The following FOXN3 variants were observed in gnomAD, a reference collection of about 807,000 sequenced individuals.
FOXN3 encodes the protein forkhead box protein N3.
Under a neutral mutation model 38.4 loss-of-function variants are expected in FOXN3, and 7 were observed. The observed-to-expected ratio is 0.18, with a 90% CI of 0.10 to 0.34. The LOEUF (loss-of-function observed/expected upper bound fraction) is 0.34, where lower values mean the gene tolerates loss of function less well. Ranked by LOEUF, FOXN3 falls within the 10% of genes least tolerant of loss-of-function variation. FOXN3 has a pLI of 1.00. For missense variants in FOXN3, 456 were observed against 613.4 expected (o/e 0.74, Z 2.71); for synonymous variants, 230 against 242.2 (o/e 0.95, Z 0.47).
At chr14:89,250,679 G>A (rs765334753) in intron 4 of FOXN3, among the ~76,000 whole-genome samples, 9 of 152,186 alleles carry the variant, frequency 5.9e-5, no homozygotes, top group Non-Finnish European at 8.8e-5. Flanking sequence ...ATATGTTCCC[G>A]ATATGGGTTG....
intron 1 of FOXN3, chr14:89,618,911 C>T (rs1402640315): frequency 6.6e-6 from 1 of 152,228 alleles, no homozygotes; most frequent in East Asian, 1.9e-4. Flanking sequence ...GGGCGGACAC[C>T]TTTAAAAAAA....
rs533781158 is a variant in FOXN3 at position 89,404,556 on chromosome 14, G to C, written c.543+7378C>G. Among the ~76,000 whole-genome samples, 16 of 149,218 alleles carry C rather than the reference G, an allele frequency of 1.1e-4. No individual in the cohort carries two copies. In the South Asian group the frequency reaches 3.4e-3, roughly 32 times the overall value. ...TCGGCAGGATGGGTCAGGGAGCTGC[G>C]CTTTCTTGGGATCACAGGATGCTGG... On this transcript the variant is annotated intron_variant, in intron 2 of 5. Coordinates refer to ENST00000557258, the MANE Select transcript of FOXN3 (RefSeq NM_005197.4).
At chr14:89,273,912 G>C (rs910124758) in intron 4 of FOXN3, among the ~76,000 whole-genome samples, 13 of 152,208 alleles carry the variant, frequency 8.5e-5, no homozygotes, top group African/African-American at 3.1e-4. Flanking sequence ...TTAGGTGTTG[G>C]GGGGAATGGA....
chr14:89,561,204 C>T (rs542831901), intron 1 of FOXN3, among the ~76,000 whole-genome samples: 6 of 152,290 alleles, frequency 3.9e-5, no homozygotes, highest in Non-Finnish European at 7.4e-5. Context: ...GTATTTTGTT[C>T]ATTCATTTGT....
chr14:89,497,658 C>T (rs1025399513), intron 1 of FOXN3, among the ~76,000 whole-genome samples: 2 of 151,944 alleles, frequency 1.3e-5, no homozygotes, highest in Non-Finnish European at 2.9e-5. Flanking sequence ...CTACCTCAGC[C>T]TCCCCAAGTG....
intron 4 of FOXN3, among the ~76,000 whole-genome samples, chr14:89,270,267 T>C (rs1886107776): frequency 6.6e-6 from 1 of 152,242 alleles, no homozygotes; most frequent in African/African-American, 2.4e-5. Flanking sequence ...GTTTGAAACA[T>C]TCCTGAAGGT....
At chr14:89,299,018 C>T (rs1454331404) in intron 3 of FOXN3, among the ~76,000 whole-genome samples, 1 of 147,254 alleles carries the variant, frequency 6.8e-6, no homozygotes, top group Admixed American at 6.7e-5. Context: ...AACTGTCCTG[C>T]CAGTTCTCCA....
At chr14:89,389,350 T>G (rs1216099672) in intron 2 of FOXN3, among the ~76,000 whole-genome samples, 1 of 152,006 alleles carries the variant, frequency 6.6e-6, no homozygotes, top group Non-Finnish European at 1.5e-5. Flanking sequence ...ATACCTAATG[T>G]CTCAGACTCA....
chr14:89,205,048 A>T (rs1888344052), intron 4 of FOXN3, among the ~76,000 whole-genome samples: 1 of 144,244 alleles, frequency 6.9e-6, no homozygotes, highest in Non-Finnish European at 1.5e-5. Context: ...ATCTCCACAG[A>T]ATTTTCTAGA....
chr14:89,471,873 A>G (rs1893102530), intron 1 of FOXN3, among the ~76,000 whole-genome samples: 1 of 152,168 alleles, frequency 6.6e-6, no homozygotes, highest in Admixed American at 6.5e-5. Flanking sequence ...ATGAGGAATG[A>G]CCCATCAGCT....
intron 3 of FOXN3, among the ~76,000 whole-genome samples, chr14:89,281,394 G>A (rs1243643357): frequency 1.3e-5 from 2 of 152,196 alleles, no homozygotes; most frequent in Non-Finnish European, 2.9e-5. Flanking sequence ...CTGAGACCAA[G>A]CGGGTTTTCC....
chr14:89,466,252 G>A (rs1892974059), intron 1 of FOXN3, among the ~76,000 whole-genome samples: 1 of 152,120 alleles, frequency 6.6e-6, no homozygotes, highest in African/African-American at 2.4e-5. Context: ...AGGCATTCAA[G>A]TTGATCCGCT....
rs1159569743 is a variant in FOXN3 at position 89,472,459 on chromosome 14, G to A, written c.-14-59969C>T. On this transcript the variant is annotated intron_variant, in intron 1 of 6. Coordinates refer to the FOXN3 transcript ENST00000345097. ...GTGCAGGCCGGGCGCGGTGGCTCAC[G>A]CCTGTAATCCCAGCACTTTGGGAGG... Among the ~76,000 whole-genome samples the A allele has an allele frequency of 4.6e-5, 7 of 152,120 alleles. No homozygotes were observed. The East Asian group carries it at 5.8e-4, about 13-fold the overall frequency.
At chr14:89,371,970 A>ACC (rs1484975752) in intron 2 of FOXN3, among the ~76,000 whole-genome samples, 1 of 151,704 alleles carries the variant, frequency 6.6e-6, no homozygotes, top group Non-Finnish European at 1.5e-5. Context: ...GGGGGAGTGC[A>ACC]CCCCCGGCTT....
intron 1 of FOXN3, among the ~76,000 whole-genome samples, chr14:89,604,724 T>G (rs1435962503): frequency 1.3e-5 from 2 of 152,126 alleles, no homozygotes; most frequent in Non-Finnish European, 2.9e-5. Context: ...AGTTGACATC[T>G]GAACACTTTA....
At chr14:89,273,733 G>A (rs1231438779) in intron 4 of FOXN3, among the ~76,000 whole-genome samples, 8 of 152,192 alleles carry the variant, frequency 5.3e-5, no homozygotes, top group Admixed American at 5.2e-4. Context: ...TAAATTCACC[G>A]CTGATTGTAA....
In FOXN3 at chr14:89,265,598, C is replaced by T. The variant is rs118148768; in HGVS notation, c.745+15352G>A. 3.4e-3 allele frequency among the ~76,000 whole-genome samples: 515 copies of T among 152,232 alleles called. 6 individuals are homozygous for T. The East Asian group carries it at 0.041, about 12-fold the overall frequency. The stretch of plus-strand genomic sequence containing the variant: ...GGATGGAGGGCTCTCCACCTGCAAG[C>T]CAGGGTTAATGCCTAAAAGAGGGAA... On this transcript the variant is annotated intron_variant, in intron 4 of 5. Coordinates refer to ENST00000557258, the MANE Select transcript of FOXN3 (RefSeq NM_005197.4).
chr14:89,465,622 T>G (rs1892963623), intron 1 of FOXN3, among the ~76,000 whole-genome samples: 1 of 152,232 alleles, frequency 6.6e-6, no homozygotes, highest in Admixed American at 6.5e-5. Context: ...CTGTCTGCAC[T>G]CAAAAGAGAC....
chr14:89,449,075 G>T (rs1421714177), intron 1 of FOXN3, among the ~76,000 whole-genome samples: 1 of 152,186 alleles, frequency 6.6e-6, no homozygotes, highest in Admixed American at 6.5e-5. Context: ...CATCTCTCTT[G>T]TGTGTTACAG....
Sources: gnomAD v4.1 joint callset for allele counts (sites outside exome capture counted in the v4.1 genomes callset) on GRCh38, gnomAD v4.1.1 for gene constraint, MANE v1.5 for transcripts, NCBI Gene and HGNC (gene_info 2026-07-23, HGNC 2026-07-21) for gene names.